FHIP1A: variants seen among roughly 807,000 people sequenced by gnomAD.
FHIP1A encodes FHF complex subunit HOOK interacting protein 1A, also known as FHF complex subunit HOOK-interacting protein 1A.
Under a neutral mutation model 88.6 loss-of-function variants are expected in FHIP1A, and 61 were observed. The observed-to-expected ratio is 0.69, with a 90% CI of 0.56 to 0.85. The LOEUF (loss-of-function observed/expected upper bound fraction) is 0.85, where lower values mean the gene tolerates loss of function less well. Ranked by LOEUF, FHIP1A falls within the 40% of genes least tolerant of loss-of-function variation. FHIP1A has a pLI of 0.00. For missense variants in FHIP1A, 1,154 were observed against 1,273.5 expected (o/e 0.91, Z 1.43); for synonymous variants, 478 against 496.0 (o/e 0.96, Z 0.48).
intron 3 of FHIP1A, among the ~76,000 whole-genome samples, chr4:151,546,266 C>T (rs1481914211): frequency 6.6e-6 from 1 of 152,232 alleles, no homozygotes; most frequent in Non-Finnish European, 1.5e-5. Context: ...GCCCCCACTA[C>T]CTCACTCTCA....
chr4:151,627,612 T>C lies in FHIP1A; in HGVS notation c.979-2090T>C, dbSNP rs1736000804. Among the ~76,000 whole-genome samples, 2 of 152,190 alleles carry C rather than the reference T, an allele frequency of 1.3e-5. 1 individual carries two copies. The highest frequency in any genetic ancestry group is 1.3e-4 in the Admixed American group (2 of 15,290). On this transcript the variant is annotated intron_variant, in intron 7 of 13. Transcript: ENST00000435205. ...GAATTAGATTTTTGCCTAAATCATT[T>C]AGGATTAAGTTTCTGCTAAAGGATC...
intron 1 of FHIP1A, among the ~76,000 whole-genome samples, chr4:151,440,219 T>G (rs1212567832): frequency 1.3e-5 from 2 of 152,150 alleles, no homozygotes; most frequent in East Asian, 3.9e-4. Context: ...CCCCCATGAT[T>G]CTGTTACCTC....
chr4:151,617,836 A>C (rs1209016756), intron 7 of FHIP1A, among the ~76,000 whole-genome samples: 2 of 152,200 alleles, frequency 1.3e-5, no homozygotes, highest in African/African-American at 2.4e-5. Context: ...CAGTGAGCTG[A>C]GATTGCGCCA....
At chr4:151,446,824 G>A (rs376129735) in intron 1 of FHIP1A, among the ~76,000 whole-genome samples, 9 of 152,150 alleles carry the variant, frequency 5.9e-5, no homozygotes, top group Admixed American at 5.2e-4. Context: ...TTGTGAGGCT[G>A]GCTCTGCTGA....
intron 3 of FHIP1A, among the ~76,000 whole-genome samples, chr4:151,542,311 A>G (rs1463000129): frequency 4.6e-5 from 7 of 152,008 alleles, no homozygotes; most frequent in Non-Finnish European, 1.0e-4. Flanking sequence ...ATACATGGAA[A>G]CTTTTTTTGT....
chr4:151,630,165 A>G (rs1736103098), intron 8 of FHIP1A, among the ~76,000 whole-genome samples: 1 of 152,146 alleles, frequency 6.6e-6, no homozygotes, highest in South Asian at 2.1e-4. Context: ...AGCAGAGTGC[A>G]CTTCTGTGGG....
chr4:151,483,659 A>G (rs1213533486), intron 3 of FHIP1A, among the ~76,000 whole-genome samples: 1 of 152,110 alleles, frequency 6.6e-6, no homozygotes, highest in East Asian at 1.9e-4. Flanking sequence ...TTATAGCTAG[A>G]TAGGAGAAAT....
chr4:151,640,336 A>T (rs190954631), intron 9 of FHIP1A, among the ~76,000 whole-genome samples: 1 of 152,334 alleles, frequency 6.6e-6, no homozygotes. Flanking sequence ...TTTCAAGTTT[A>T]AAAGAGCTTT....
chr4:151,570,427 C>T lies in FHIP1A; in HGVS notation c.105+4063C>T, dbSNP rs561633784. On this transcript the variant is annotated intron_variant, in intron 4 of 13. Transcript: ENST00000435205. The stretch of plus-strand genomic sequence containing the variant: ...TAACCTGAGTATTCTATCACTCTTA[C>T]ACCAACCACCTTTTAATTTAATTAC... 2.0e-5 allele frequency among the ~76,000 whole-genome samples: 3 copies of T among 152,220 alleles called. No individual in the cohort carries two copies. The East Asian group carries it at 5.8e-4, about 29-fold the overall frequency.
chr4:151,587,660 G>A (rs886174113), intron 6 of FHIP1A, among the ~76,000 whole-genome samples: 3 of 151,740 alleles, frequency 2.0e-5, no homozygotes, highest in African/African-American at 7.2e-5. Context: ...AAGAAATCAA[G>A]TTTTCTTTAT....
intron 1 of FHIP1A, among the ~76,000 whole-genome samples, chr4:151,425,182 T>G (rs1389040803): frequency 1.3e-5 from 2 of 152,214 alleles, no homozygotes; most frequent in Admixed American, 6.5e-5. Context: ...TGAACATGAT[T>G]CTGATCAATC....
intron 3 of FHIP1A, among the ~76,000 whole-genome samples, chr4:151,489,511 G>T (rs1348815965): frequency 3.3e-5 from 5 of 152,170 alleles, no homozygotes; most frequent in Admixed American, 3.3e-4. Flanking sequence ...AGCCAAAGGT[G>T]CAGGCAGGTG....
chr4:151,559,203 T>C (rs1733074165), intron 3 of FHIP1A, among the ~76,000 whole-genome samples: 1 of 152,220 alleles, frequency 6.6e-6, no homozygotes, highest in South Asian at 2.1e-4. Context: ...TTTCCTTTCA[T>C]ATTGAGACTC....
chr4:151,449,878 ATTTTTTT>A (rs1296353283), intron 1 of FHIP1A, among the ~76,000 whole-genome samples: 1 of 151,968 alleles, frequency 6.6e-6, no homozygotes, highest in Non-Finnish European at 1.5e-5. Flanking sequence ...TTTACAATGT[ATTTTTTT>A]TAAACTTGAG....
intron 1 of FHIP1A, among the ~76,000 whole-genome samples, chr4:151,445,490 A>C (rs1338282528): frequency 6.6e-6 from 1 of 151,900 alleles, no homozygotes; most frequent in Non-Finnish European, 1.5e-5. Context: ...TGGGGATGAA[A>C]ATTCCAACCC....
chr4:151,512,851 G>T (rs1731090207), intron 3 of FHIP1A, among the ~76,000 whole-genome samples: 1 of 152,238 alleles, frequency 6.6e-6, no homozygotes, highest in Admixed American at 6.5e-5. Flanking sequence ...GTGATGGGGA[G>T]AATGGAACCA....
chr4:151,644,242 C>T (rs993484897), intron 9 of FHIP1A, among the ~76,000 whole-genome samples: 1 of 152,156 alleles, frequency 6.6e-6, no homozygotes, highest in African/African-American at 2.4e-5. Context: ...CAGCTCTCAC[C>T]CCAGCCACCT....
intron 3 of FHIP1A, among the ~76,000 whole-genome samples, chr4:151,519,334 A>G (rs570053145): frequency 6.6e-6 from 1 of 152,316 alleles, no homozygotes; most frequent in Admixed American, 6.5e-5. Context: ...AATTGAAATC[A>G]TACAATATGT....
In FHIP1A at chr4:151,656,683, T is replaced by C. The variant is rs115590112; in HGVS notation, c.2731-77T>C. ...ATAATAGTTCCCATAATGAGGGTGC[T>C]ACCTGCAAGATATATTGATAACTGG... On this transcript the variant is annotated intron_variant, in intron 12 of 13. Coordinates refer to ENST00000435205, the MANE Select transcript of FHIP1A (RefSeq NM_001109977.3). This position sits in a 1 kb window ranked among gnomAD's most constrained non-coding sequence, Gnocchi z 4.2. 1,383 of 1,437,604 alleles carry C rather than the reference T, an allele frequency of 9.6e-4. 7 individuals carry two copies. The African/African-American group carries it at 0.018, about 19-fold the overall frequency. The allele number at this position is 1,437,604 out of a possible 1,614,324, so 89.1% of individuals were successfully genotyped here. A position where few individuals can be genotyped will look rare whatever the true frequency, so the allele number is the denominator to read the frequency against.
Sources: allele counts gnomAD v4.1 joint callset (sites outside exome capture counted in the v4.1 genomes callset), GRCh38; gene constraint gnomAD v4.1.1; non-coding constraint Gnocchi (gnomAD v3.1); transcripts MANE v1.5; gene names NCBI Gene and HGNC (gene_info 2026-07-23, HGNC 2026-07-21).